The following KHDRBS2 variants were observed in gnomAD, a reference collection of about 807,000 sequenced individuals.
The protein encoded by KHDRBS2 is KH RNA binding domain containing, signal transduction associated 2.
A neutral mutation model predicts 44.3 loss-of-function variants in KHDRBS2; 26 were observed. The observed-to-expected ratio is 0.59, with a 90% CI of 0.43 to 0.81. The LOEUF (loss-of-function observed/expected upper bound fraction) is 0.81. KHDRBS2 is among the 40% of genes least tolerant of loss of function. KHDRBS2 has a pLI of 0.00. For synonymous variants in KHDRBS2, 194 were observed against 151.1 expected, an observed-to-expected ratio of 1.28 and a Z score of -2.08; for missense variants, 476 against 433.1, an observed-to-expected ratio of 1.10 and a Z score of -0.88.
In KHDRBS2 at chr6:61,680,468, T is replaced by A. The variant is rs1488330047; in HGVS notation, c.*495A>T. 1 of 152,100 alleles carries A rather than the reference T, an allele frequency of 6.6e-6. No homozygotes were observed. Among genetic ancestry groups the A allele is most frequent in the African/African-American group, 2.4e-5 (1 of 41,364 alleles). The allele number at this position is 152,100 out of a possible 1,614,324, so 9.4% of individuals were successfully genotyped here. On this transcript the variant is annotated 3_prime_UTR_variant, in exon 9 of 9. Coordinates refer to ENST00000281156, the MANE Select transcript of KHDRBS2 (RefSeq NM_152688.4). ...TAAAATTAAATTTACAAACTTAATA[T>A]CAAACATCTTTGTCTAACTAACAGA...
chr6:62,200,802 A>G (rs1159722766), intron 1 of KHDRBS2, among the ~76,000 whole-genome samples: 7 of 152,326 alleles, frequency 4.6e-5, no homozygotes, highest in African/African-American at 1.7e-4. Flanking sequence ...TTATTGTGGC[A>G]CTACTCACAA....
chr6:61,549,920 A>G, the KHDRBS2 span, among the ~76,000 whole-genome samples: 1 of 152,168 alleles, frequency 6.6e-6, no homozygotes, highest in Non-Finnish European at 1.5e-5. Context: ...TGTTTCACTG[A>G]GTTATGCAGA....
At chr6:61,855,624 C>CTTTGTTTGGT (rs1554242596) in intron 6 of KHDRBS2, among the ~76,000 whole-genome samples, 1 of 149,658 alleles carries the variant, frequency 6.7e-6, no homozygotes, top group East Asian at 2.0e-4. Context: ...ATGCCTGGTG[C>CTTTGTTTGGT]TTTGTTTTGT....
chr6:61,663,366 A>G, the KHDRBS2 span, among the ~76,000 whole-genome samples: 774 of 148,744 alleles, frequency 5.2e-3, 21 homozygotes, highest in East Asian at 0.036. Context: ...AAACCTGCAC[A>G]TTGTGCACAT....
intron 6 of KHDRBS2, among the ~76,000 whole-genome samples, chr6:61,777,296 A>C (rs1782225446): frequency 6.6e-6 from 1 of 152,136 alleles, no homozygotes; most frequent in Non-Finnish European, 1.5e-5. Flanking sequence ...AATAATAATA[A>C]AATATAAAAA....
At chr6:62,178,184 T>G (rs1821530472) in intron 1 of KHDRBS2, among the ~76,000 whole-genome samples, 1 of 151,502 alleles carries the variant, frequency 6.6e-6, no homozygotes, top group Non-Finnish European at 1.5e-5. Flanking sequence ...TGGCTATTAC[T>G]TCAGATTTGA....
chr6:62,207,117 G>A lies in KHDRBS2; in HGVS notation c.92-29805C>T, dbSNP rs191841570. 1.1e-4 allele frequency among the ~76,000 whole-genome samples: 16 copies of A among 152,078 alleles called. No individual in the cohort carries two copies. In the Middle Eastern group the frequency reaches 0.01, roughly 97 times the overall value. On this transcript the variant is annotated intron_variant, in intron 1 of 8. Coordinates refer to ENST00000281156, the MANE Select transcript of KHDRBS2 (RefSeq NM_152688.4). ...CCTAGCTGTGATACTTCCTATCTGT[G>A]AGTTGCATTTTTCTTTTAAACTTGT...
At chr6:62,236,473 T>C (rs1833723371) in intron 1 of KHDRBS2, among the ~76,000 whole-genome samples, 1 of 151,946 alleles carries the variant, frequency 6.6e-6, no homozygotes, top group Non-Finnish European at 1.5e-5. Flanking sequence ...AAATAATCTA[T>C]TAGCAGAATA....
the KHDRBS2 span, among the ~76,000 whole-genome samples, chr6:61,642,660 CAAAA>C: frequency 2.2e-5 from 3 of 134,782 alleles, no homozygotes; most frequent in Non-Finnish European, 3.2e-5. Context: ...GACTCCACAT[CAAAA>C]AAAAAAAAAA....
chr6:62,015,739 G>T (rs530277232), intron 3 of KHDRBS2, among the ~76,000 whole-genome samples: 1 of 152,140 alleles, frequency 6.6e-6, no homozygotes, highest in South Asian at 2.1e-4. Context: ...AAAGATAAAG[G>T]GTTTACATTT....
At chr6:61,655,514 C>T in the KHDRBS2 span, among the ~76,000 whole-genome samples, 2 of 152,122 alleles carry the variant, frequency 1.3e-5, no homozygotes, top group East Asian at 3.9e-4. Flanking sequence ...CTTGGTCTCC[C>T]AAAGTGTTGG....
intron 7 of KHDRBS2, among the ~76,000 whole-genome samples, chr6:61,729,736 A>C (rs1310402075): frequency 3.3e-5 from 5 of 152,102 alleles, no homozygotes; most frequent in African/African-American, 1.2e-4. Context: ...CAATTTGTAT[A>C]TCTTCTTTGG....
intron 6 of KHDRBS2, among the ~76,000 whole-genome samples, chr6:61,848,526 T>TATAC (rs1394009767): frequency 0.013 from 727 of 54,700 alleles, 102 homozygotes; most frequent in South Asian, 0.024. Context: ...TATGTATATA[T>TATAC]ATATACATAT....
intron 3 of KHDRBS2, among the ~76,000 whole-genome samples, chr6:62,033,576 A>G (rs1784730766): frequency 1.3e-5 from 2 of 151,728 alleles, no homozygotes; most frequent in Admixed American, 1.3e-4. Flanking sequence ...GAAGTGCTGA[A>G]GAGAAAACAC....
Position 61,829,099 on chromosome 6 carries a change from G to A in KHDRBS2, c.810+65536C>T, listed in dbSNP as rs541397527. 4.6e-5 allele frequency among the ~76,000 whole-genome samples: 7 copies of A among 152,276 alleles called. No individual in the cohort carries two copies. The East Asian group carries it at 7.7e-4, about 17-fold the overall frequency. On this transcript the variant is annotated intron_variant, in intron 6 of 8. Coordinates refer to ENST00000281156, the MANE Select transcript of KHDRBS2 (RefSeq NM_152688.4). The stretch of plus-strand genomic sequence containing the variant: ...ATCTATTAATATAACACAGATGTAC[G>A]TTTTAGTGTGTATATAGCTGACATT...
At chr6:61,876,113 A>G (rs1364213762) in intron 6 of KHDRBS2, among the ~76,000 whole-genome samples, 1 of 151,968 alleles carries the variant, frequency 6.6e-6, no homozygotes, top group Non-Finnish European at 1.5e-5. Context: ...GCATCTTGCA[A>G]TTTTTCACTT....
chr6:62,145,738 GAAAATCTGAAATCTGAAATGCTCT>G (rs1213834150), intron 2 of KHDRBS2, among the ~76,000 whole-genome samples: 4 of 151,932 alleles, frequency 2.6e-5, no homozygotes, highest in African/African-American at 9.6e-5. Context: ...CTGTGAATCT[GAAAATCTGAAATCTGAAATGCTCT>G]AAAATCTGAA....
chr6:61,773,747 C>G (rs912554052), intron 6 of KHDRBS2, among the ~76,000 whole-genome samples: 26 of 151,630 alleles, frequency 1.7e-4, no homozygotes, highest in Middle Eastern at 3.4e-3. Flanking sequence ...GTAATGCCTA[C>G]GTTTTCTTCT....
chr6:62,238,687 TACACACACAC>T (rs5876788), intron 1 of KHDRBS2, among the ~76,000 whole-genome samples: 8 of 141,928 alleles, frequency 5.6e-5, no homozygotes, highest in Non-Finnish European at 7.6e-5. Flanking sequence ...AAGTTTTATA[TACACACACAC>T]ACACACACAC....
Sources: allele counts gnomAD v4.1 joint callset (sites outside exome capture counted in the v4.1 genomes callset), GRCh38; gene constraint gnomAD v4.1.1; transcripts MANE v1.5; gene names NCBI Gene and HGNC (gene_info 2026-07-23, HGNC 2026-07-21).